The following CSMD3 variants were observed in gnomAD, a reference collection of about 807,000 sequenced individuals.
The protein encoded by CSMD3 is CUB and sushi domain-containing protein 3.
CSMD3 carries 177 observed loss-of-function variants against 435.2 expected under a neutral mutation model. That is an observed-to-expected ratio of 0.41 (90% CI 0.36 to 0.46). The LOEUF (loss-of-function observed/expected upper bound fraction) is 0.46, where lower values mean the gene tolerates loss of function less well. CSMD3 is among the 20% of genes least tolerant of loss of function. The pLI is 0.34. For synonymous variants in CSMD3, 1,656 were observed against 1,520.5 expected, an observed-to-expected ratio of 1.09 and a Z score of -2.07; for missense variants, 4,265 against 4,504.6, an observed-to-expected ratio of 0.95 and a Z score of 1.52.
At chr8:112,961,750 AATC>A (rs1436382051) in intron 7 of CSMD3, among the ~76,000 whole-genome samples, 2 of 151,988 alleles carry the variant, frequency 1.3e-5, no homozygotes, top group African/African-American at 4.8e-5. Context: ...TCATGTAACT[AATC>A]ATTGCATAAA....
chr8:113,192,706 C>G (rs1358545210), intron 3 of CSMD3, among the ~76,000 whole-genome samples: 1 of 151,282 alleles, frequency 6.6e-6, no homozygotes, highest in Non-Finnish European at 1.5e-5. Flanking sequence ...GTTCTTATTT[C>G]TATAGAAAAT....
intron 38 of CSMD3, among the ~76,000 whole-genome samples, chr8:112,368,905 A>T (rs1259160635): frequency 6.6e-6 from 1 of 152,186 alleles, no homozygotes; most frequent in Non-Finnish European, 1.5e-5. Context: ...TCTATGAAAC[A>T]TTTAGCAATG....
At chr8:113,115,277 G>A (rs1051486963) in intron 4 of CSMD3, among the ~76,000 whole-genome samples, 1 of 152,186 alleles carries the variant, frequency 6.6e-6, no homozygotes, top group African/African-American at 2.4e-5. Context: ...ATATAATTTT[G>A]AGGTGTTCTC....
At chr8:112,876,240 T>C (rs912963727) in intron 10 of CSMD3, among the ~76,000 whole-genome samples, 2 of 152,116 alleles carry the variant, frequency 1.3e-5, no homozygotes, top group Non-Finnish European at 2.9e-5. Context: ...AGCCAAACTC[T>C]ATCAGAGGTA....
chr8:112,562,184 C>T (rs1379494990), intron 24 of CSMD3, among the ~76,000 whole-genome samples: 5 of 151,580 alleles, frequency 3.3e-5, no homozygotes, highest in Middle Eastern at 3.2e-3. Flanking sequence ...AAAATTTTGA[C>T]CTCAACATAA....
At chr8:112,598,600 A>G (rs1276165380) in intron 22 of CSMD3, among the ~76,000 whole-genome samples, 54 of 150,530 alleles carry the variant, frequency 3.6e-4, no homozygotes, top group Non-Finnish European at 7.1e-4. Context: ...GAGGCATCAC[A>G]CTACCTGACT....
chr8:112,790,786 C>G (rs1043236683), intron 13 of CSMD3, among the ~76,000 whole-genome samples: 1 of 152,064 alleles, frequency 6.6e-6, no homozygotes, highest in Middle Eastern at 3.2e-3. Flanking sequence ...ATTGTTCTTG[C>G]CTTTTTAATT....
chr8:112,910,910 A>G (rs180920740), intron 10 of CSMD3, among the ~76,000 whole-genome samples: 1 of 151,792 alleles, frequency 6.6e-6, no homozygotes, highest in African/African-American at 2.4e-5. Context: ...TATTTTCCTG[A>G]CCATTTTGCA....
chr8:113,029,134 C>T (rs903904358), intron 5 of CSMD3, among the ~76,000 whole-genome samples: 3 of 151,370 alleles, frequency 2.0e-5, no homozygotes, highest in Admixed American at 6.6e-5. Context: ...CATTCTAAAT[C>T]TACACTGCCT....
chr8:113,164,433 A>AG (rs2092110444), intron 4 of CSMD3, among the ~76,000 whole-genome samples: 1 of 151,498 alleles, frequency 6.6e-6, no homozygotes, highest in Non-Finnish European at 1.5e-5. Flanking sequence ...AAAAAAAAAA[A>AG]GAAAAAAAAA....
chr8:112,488,030 TATTATTTAATA>T (rs1209358786), intron 31 of CSMD3, among the ~76,000 whole-genome samples: 1 of 152,194 alleles, frequency 6.6e-6, no homozygotes, highest in Non-Finnish European at 1.5e-5. Context: ...GCTGTTCTGC[TATTATTTAATA>T]TATATGACAA....
intron 30 of CSMD3, 77 bp downstream of exon 30, chr8:112,503,713 G>T: frequency 1.0e-6 from 1 of 995,820 alleles, no homozygotes; most frequent in Non-Finnish European, 1.5e-6. Context: ...ACTAACAATG[G>T]GCCATACCAA....
chr8:112,233,683 A>G (rs1330513113), intron 68 of CSMD3, among the ~76,000 whole-genome samples: 1 of 152,120 alleles, frequency 6.6e-6, no homozygotes, highest in Non-Finnish European at 1.5e-5. Flanking sequence ...TTATGAAAAA[A>G]AGGCTTGGTA....
At chr8:113,109,078 T>C (rs1045032572) in intron 4 of CSMD3, among the ~76,000 whole-genome samples, 2 of 152,140 alleles carry the variant, frequency 1.3e-5, no homozygotes, top group African/African-American at 4.8e-5. Context: ...AAAACAAGTA[T>C]AGAAGAGTTA....
chr8:112,943,127 C>T (rs554201164), intron 9 of CSMD3, among the ~76,000 whole-genome samples: 136 of 151,624 alleles, frequency 9.0e-4, no homozygotes, highest in Admixed American at 2.8e-3. Flanking sequence ...CATATATCTT[C>T]TTTGGTGACA....
chr8:112,968,119 A>T (rs950516846), intron 7 of CSMD3, among the ~76,000 whole-genome samples: 1 of 151,846 alleles, frequency 6.6e-6, no homozygotes, highest in African/African-American at 2.4e-5. Flanking sequence ...AATATGGCTG[A>T]TTTCACATTT....
At chr8:113,259,113 C>T (rs2093406493) in intron 3 of CSMD3, among the ~76,000 whole-genome samples, 1 of 152,050 alleles carries the variant, frequency 6.6e-6, no homozygotes, top group Non-Finnish European at 1.5e-5. Context: ...AAAAAAATGC[C>T]ACCATTTCTT....
At chr8:113,234,313 A>C (rs2093123534) in intron 3 of CSMD3, among the ~76,000 whole-genome samples, 1 of 152,134 alleles carries the variant, frequency 6.6e-6, no homozygotes, top group African/African-American at 2.4e-5. Flanking sequence ...TGTCTCATAT[A>C]GAATTTACTT....
intron 4 of CSMD3, among the ~76,000 whole-genome samples, chr8:113,121,881 T>C (rs1046797001): frequency 6.6e-6 from 1 of 152,116 alleles, no homozygotes; most frequent in African/African-American, 2.4e-5. Flanking sequence ...CCATTTAATA[T>C]TTAAAATCTG....
Sources: allele counts gnomAD v4.1 joint callset (sites outside exome capture counted in the v4.1 genomes callset), GRCh38; gene constraint gnomAD v4.1.1; transcripts MANE v1.5; gene names NCBI Gene and HGNC (gene_info 2026-07-23, HGNC 2026-07-21).